Variants in ROBO2 observed in about 807,000 individuals in gnomAD.
The protein encoded by ROBO2 is roundabout homolog 2.
Under a neutral mutation model 160.8 loss-of-function variants are expected in ROBO2, and 53 were observed. The ratio of observed to expected loss-of-function variants is 0.33; its 90% CI spans 0.26 to 0.41. ROBO2 has a LOEUF of 0.41. Among genes scored for constraint, ROBO2 ranks in the 10% least tolerant of loss-of-function variants. The pLI, the probability that ROBO2 is intolerant of heterozygous loss-of-function variation, is 1.00. For synonymous variants in ROBO2, 664 were observed against 611.7 expected, an observed-to-expected ratio of 1.09 and a Z score of -1.26; for missense variants, 1,577 against 1,722.4, an observed-to-expected ratio of 0.92 and a Z score of 1.49.
chr3:76,184,594 TA>T (rs1553669360), intron 2 of ROBO2, among the ~76,000 whole-genome samples: 4 of 124,850 alleles, frequency 3.2e-5, no homozygotes, highest in East Asian at 9.3e-4. Flanking sequence ...GATAGATAGA[TA>T]AGAGGGGATT....
intron 2 of ROBO2, among the ~76,000 whole-genome samples, chr3:77,347,347 T>C (rs1027944935): frequency 3.3e-5 from 5 of 152,028 alleles, no homozygotes; most frequent in Non-Finnish European, 5.9e-5. Flanking sequence ...TTATAATATA[T>C]ATAAATAAAT....
chr3:77,005,759 G>T (rs2061547211), intron 2 of ROBO2, among the ~76,000 whole-genome samples: 1 of 152,162 alleles, frequency 6.6e-6, no homozygotes, highest in African/African-American at 2.4e-5. Context: ...ATGTGAATTT[G>T]GTTTCTAAAG....
At chr3:77,429,732 A>G (rs1196445900) in intron 2 of ROBO2, among the ~76,000 whole-genome samples, 1 of 151,972 alleles carries the variant, frequency 6.6e-6, no homozygotes, top group Admixed American at 6.5e-5. Context: ...CTGTGATCAC[A>G]ATCTGTGATC....
chr3:76,536,198 TGAG>T (rs2082492887), intron 2 of ROBO2, among the ~76,000 whole-genome samples: 1 of 152,206 alleles, frequency 6.6e-6, no homozygotes, highest in Admixed American at 6.5e-5. Flanking sequence ...AAGGCGTGGC[TGAG>T]GTTTGTCTTA....
rs71104623 is a variant in ROBO2, at chr3:76,806,214, CGTGT to C, written c.110-291773_110-291770del. ...AGGGTGTTTGTTTATTTTCTGTGTGCGTGTGTGTGTGTGTGTGTGTGTGTGTGTG... is the reference window on the plus strand; with the variant it reads ...AGGGTGTTTGTTTATTTTCTGTGTGCGTGTGTGTGTGTGTGTGTGTGTGTG... On this transcript the variant is annotated intron_variant, in intron 2 of 26. Coordinates refer to the ROBO2 transcript ENST00000487694. Among the ~76,000 whole-genome samples, 289 of 146,272 alleles carry C rather than the reference CGTGT, an allele frequency of 2.0e-3. 1 individual carries two copies. The highest frequency in any genetic ancestry group is 6.0e-3 in the African/African-American group (240 of 39,748).
chr3:77,244,533 A>T (rs1183933939), intron 2 of ROBO2, among the ~76,000 whole-genome samples: 1 of 152,182 alleles, frequency 6.6e-6, no homozygotes, highest in Non-Finnish European at 1.5e-5. Flanking sequence ...GATCCTTCAT[A>T]TATTTTCGTT....
intron 2 of ROBO2, among the ~76,000 whole-genome samples, chr3:76,605,351 G>A (rs973719442): frequency 6.6e-5 from 10 of 151,508 alleles, no homozygotes; most frequent in African/African-American, 2.4e-4. Flanking sequence ...TTAAACCCAG[G>A]TTTACATGTT....
intron 2 of ROBO2, among the ~76,000 whole-genome samples, chr3:76,476,774 C>T (rs1025188350): frequency 7.9e-5 from 12 of 152,060 alleles, no homozygotes; most frequent in South Asian, 4.1e-4. Flanking sequence ...ATCAAACAGC[C>T]ACGTTCCCAT....
chr3:77,524,188 C>G (rs1416448062), intron 6 of ROBO2, among the ~76,000 whole-genome samples: 3 of 151,086 alleles, frequency 2.0e-5, no homozygotes, highest in Non-Finnish European at 3.0e-5. Flanking sequence ...AGATACAAAA[C>G]ATATTTAGAC....
intron 2 of ROBO2, among the ~76,000 whole-genome samples, chr3:77,154,690 T>C (rs1245937869): frequency 6.6e-6 from 1 of 151,954 alleles, no homozygotes; most frequent in Non-Finnish European, 1.5e-5. Context: ...CTATGAGCCA[T>C]AAATAAAGAA....
At chr3:77,162,870 C>T (rs1049899659) in intron 2 of ROBO2, among the ~76,000 whole-genome samples, 1 of 151,926 alleles carries the variant, frequency 6.6e-6, no homozygotes, top group Non-Finnish European at 1.5e-5. Flanking sequence ...TGCTCTGTCT[C>T]CCAGGCTGGA....
chr3:76,341,504 CAAA>C (rs1003765397), intron 2 of ROBO2, among the ~76,000 whole-genome samples: 3 of 94,670 alleles, frequency 3.2e-5, no homozygotes, highest in African/African-American at 7.8e-5. Flanking sequence ...TATCTCTTTA[CAAA>C]AAAAAAAAAA....
chr3:75,909,952 A>C (rs1304308662), intron 1 of ROBO2, among the ~76,000 whole-genome samples: 1 of 152,220 alleles, frequency 6.6e-6, no homozygotes, highest in East Asian at 1.9e-4. Flanking sequence ...TACCTAGTCA[A>C]CTTCTAGTTA....
intron 2 of ROBO2, among the ~76,000 whole-genome samples, chr3:76,376,708 G>T (rs1460915278): frequency 1.3e-5 from 2 of 152,106 alleles, no homozygotes; most frequent in Non-Finnish European, 2.9e-5. Context: ...TTACTAATTT[G>T]GGGTCTGGGG....
At chr3:76,553,367 T>C (rs1384716317) in intron 2 of ROBO2, among the ~76,000 whole-genome samples, 1 of 152,150 alleles carries the variant, frequency 6.6e-6, no homozygotes, top group Non-Finnish European at 1.5e-5. Context: ...ATAAATCATA[T>C]GTCACATGCT....
At chr3:77,535,647 T>C (rs1317277530) in intron 6 of ROBO2, among the ~76,000 whole-genome samples, 5 of 152,156 alleles carry the variant, frequency 3.3e-5, no homozygotes, top group African/African-American at 1.2e-4. Context: ...CAAAATTTTA[T>C]TGTTTTATTT....
At chr3:77,141,981 A>T (rs78435814) in intron 2 of ROBO2, among the ~76,000 whole-genome samples, 31,015 of 152,144 alleles carry the variant, frequency 0.2, 4,209 homozygotes, top group Non-Finnish European at 0.3. Context: ...TGCATACTCA[A>T]TTAAAAATAT....
intron 2 of ROBO2, among the ~76,000 whole-genome samples, chr3:77,330,887 G>C (rs1304471357): frequency 1.3e-5 from 2 of 152,112 alleles, no homozygotes; most frequent in Non-Finnish European, 2.9e-5. Flanking sequence ...GCAATTCTAA[G>C]TTCCACCATG....
At chr3:76,501,164 G>A (rs1482396405) in intron 2 of ROBO2, among the ~76,000 whole-genome samples, 2 of 152,148 alleles carry the variant, frequency 1.3e-5, no homozygotes, top group Non-Finnish European at 2.9e-5. Flanking sequence ...TCAGTTTGAA[G>A]GTTAACTTTA....
Sources: gnomAD v4.1 joint callset for allele counts (sites outside exome capture counted in the v4.1 genomes callset) on GRCh38, gnomAD v4.1.1 for gene constraint, MANE v1.5 for transcripts, NCBI Gene and HGNC (gene_info 2026-07-23, HGNC 2026-07-21) for gene names.